UBR4: variants seen among roughly 807,000 people sequenced by gnomAD.
UBR4 encodes the protein ubiquitin protein ligase E3 component n-recognin 4.
UBR4 carries 124 observed loss-of-function variants against 575.6 expected under a neutral mutation model. That is an observed-to-expected ratio of 0.22 (90% confidence interval 0.19 to 0.25). The LOEUF (loss-of-function observed/expected upper bound fraction) is 0.25. Among genes scored for constraint, UBR4 ranks in the 10% least tolerant of loss-of-function variants. The probability of loss-of-function intolerance (pLI) is 1.00; values close to 1 mark genes in which losing one functional copy is unlikely to be tolerated. For missense variants in UBR4, 4,818 were observed against 6,478.8 expected (o/e 0.74, Z 8.80); for synonymous variants, 2,455 against 2,473.7 (o/e 0.99, Z 0.22).
At chr1:19,161,762 A>G (rs1304936145) in intron 36 of UBR4, 26 bp from the exon 37 acceptor site, 1 of 1,613,470 alleles carries the variant, frequency 6.2e-7, no homozygotes, top group Admixed American at 1.7e-5. Flanking sequence ...ACCAGCAAAT[A>G]AGCTCAGAAG....
chr1:19,134,766 C>T (rs2082999751), intron 60 of UBR4, among the ~76,000 whole-genome samples: 1 of 151,874 alleles, frequency 6.6e-6, no homozygotes, highest in Non-Finnish European at 1.5e-5. Context: ...ACAGAAGAAC[C>T]ACAGAAGGCT....
At chr1:19,096,484 A>G (rs775952428) in intron 92 of UBR4, 39 bp downstream of exon 92, 1 of 1,601,610 alleles carries the variant, frequency 6.2e-7, no homozygotes, top group East Asian at 2.2e-5. Context: ...CTCCCAGTGC[A>G]GAAAGGCTGG....
chr1:19,127,819 A>G, intron 62 of UBR4, 80 bp from the exon 63 acceptor site: 1 of 1,170,510 alleles, frequency 8.5e-7, no homozygotes, highest in Middle Eastern at 2.0e-4. Context: ...CCTTCAAGTC[A>G]AGCCCATCAG....
intron 44 of UBR4, 112 bp downstream of exon 44, chr1:19,154,806 C>T (rs1045488997): frequency 1.4e-6 from 2 of 1,473,746 alleles, no homozygotes; most frequent in African/African-American, 2.8e-5. Flanking sequence ...AAAAGGTTGG[C>T]TGGAGAAAAT....
intron 11 of UBR4, 130 bp from the exon 12 acceptor site, chr1:19,187,670 A>G (rs2091675706): frequency 1.4e-6 from 1 of 729,988 alleles, no homozygotes; most frequent in South Asian, 1.9e-5. Context: ...AGAAAAAAAA[A>G]ATTGTACATA....
intron 13 of UBR4, 119 bp downstream of exon 13, chr1:19,187,045 T>C: frequency 1.3e-6 from 1 of 798,040 alleles, no homozygotes. Context: ...GGTCATGGTG[T>C]GTAGTCAGTC....
At position 19,110,325 on chromosome 1, in the gene UBR4, G is replaced by C; in HGVS notation, c.11977+55C>G. The stretch of plus-strand genomic sequence containing the variant: ...GTTTCCCTCCTCCCCTCCCAGTCCG[G>C]CCAGGACTGCTCCTTTGAGCCTCCT... On this transcript the variant is annotated intron_variant, in intron 80 of 105. Transcript: ENST00000375254. The surrounding 1 kb of genome is among the most constrained non-coding windows in gnomAD (Gnocchi z 4.5). The C allele has an allele frequency of 1.2e-6, 2 of 1,613,472 alleles. No individual in the cohort carries two copies. The highest frequency in any genetic ancestry group is 1.1e-5 in the South Asian group (1 of 90,992).
chr1:19,165,507 AAG>A, intron 30 of UBR4, 147 bp downstream of exon 30: 1 of 1,029,142 alleles, frequency 9.7e-7, no homozygotes, highest in Non-Finnish European at 1.4e-6. Context: ...CAACAACCCC[AAG>A]GAGTCAGCAA....
Position 19,192,544 on chromosome 1 carries a change from T to C in UBR4, c.1144-4A>G. On this transcript the variant is annotated splice_region_variant and splice_polypyrimidine_tract_variant and intron_variant, in intron 9 of 105. Coordinates refer to ENST00000375254, the MANE Select transcript of UBR4 (RefSeq NM_020765.3). ...CAATCATGTCATAGATTTCGAGCTG[T>C]ACAATATCAAACAGACACAAAAATC... is the stretch of plus-strand genomic sequence containing the variant. 1.9e-6 allele frequency: 3 copies of C among 1,614,116 alleles called. No homozygotes were observed. The highest frequency in any genetic ancestry group is 2.5e-6 in the Non-Finnish European group (3 of 1,180,012).
Position 19,140,911 on chromosome 1 carries a change from G to C in UBR4, c.8489-19C>G. The C allele has an allele frequency of 6.3e-7, 1 of 1,593,080 alleles. No homozygotes were observed. The highest frequency in any genetic ancestry group is 8.5e-7 in the Non-Finnish European group (1 of 1,171,904). On this transcript the variant is annotated intron_variant, in intron 57 of 105. Transcript: ENST00000375254. Reference sequence around the variant, plus strand: ...CTGCTGCCTGGGAAACAAGTGGAGAGTGAGCACAACATCCCCTCCAGGTCC... The same window carrying C: ...CTGCTGCCTGGGAAACAAGTGGAGACTGAGCACAACATCCCCTCCAGGTCC...
In UBR4 at chr1:19,157,347, A is replaced by G. The variant is rs2086589653; in HGVS notation, c.5761-422T>C. 6.6e-6 allele frequency among the ~76,000 whole-genome samples: 1 copy of G among 152,238 alleles called. No homozygotes were observed. Among genetic ancestry groups the G allele is most frequent in the African/African-American group, 2.4e-5 (1 of 41,454 alleles). Reference sequence around the variant, plus strand: ...CAGAAAAGTGTGAGTTAAGATACCTAGCACTCTTCCAACTTCTACTAGCTC... The same window carrying G: ...CAGAAAAGTGTGAGTTAAGATACCTGGCACTCTTCCAACTTCTACTAGCTC... On this transcript the variant is annotated intron_variant, in intron 40 of 105. Transcript: ENST00000375254. The surrounding 1 kb of genome is among the most constrained non-coding windows in gnomAD (Gnocchi z 4.4).
At chr1:19,104,359 T>C in intron 86 of UBR4, 102 bp from the exon 87 acceptor site, 1 of 1,441,644 alleles carries the variant, frequency 6.9e-7, no homozygotes. Flanking sequence ...AGGGAAAATC[T>C]ATCTTTGTGC....
At chr1:19,155,966 G>A (rs551981459) in intron 42 of UBR4, among the ~76,000 whole-genome samples, 2 of 152,318 alleles carry the variant, frequency 1.3e-5, no homozygotes, top group African/African-American at 4.8e-5. Context: ...CCTAAAGACA[G>A]AAAGCTCCTA....
chr1:19,136,974 C>T (rs2083270074), intron 60 of UBR4, among the ~76,000 whole-genome samples: 1 of 150,194 alleles, frequency 6.7e-6, no homozygotes, highest in Non-Finnish European at 1.5e-5. Context: ...GCATCAGGCA[C>T]CATTTTTTTT....
rs1320022134 is a variant in UBR4 at position 19,086,263 on chromosome 1, G to A, written c.14695C>T (p.Arg4899Ter). ...GCACTCTCCCACTCTTCCCGGCCTC[G>A]AGCCAACCTGGATAGGGAGGAGAGC... ...DCHLAAVRLARGREEWESAAL... is the reference protein window; with the variant it reads ...DCHLAAVRLA Residue 4899 changes from arginine (R) to a stop codon, truncating the protein, a stop_gained, in exon 101 of 106, where the codon CGA becomes TGA. Transcript: ENST00000375254. LOFTEE classifies it high-confidence loss of function. The A allele has an allele frequency of 2.6e-6, 4 of 1,551,764 alleles. No homozygotes were observed. In the Admixed American group the frequency reaches 5.3e-5, roughly 20 times the overall value.
At chr1:19,209,446 G>A (rs1305357154) in intron 1 of UBR4, among the ~76,000 whole-genome samples, 2 of 152,218 alleles carry the variant, frequency 1.3e-5, no homozygotes, top group Non-Finnish European at 1.5e-5. Flanking sequence ...AGAATGTGAT[G>A]ATATTTTAAT....
chr1:19,086,660 C>T lies in UBR4; in HGVS notation c.14687+19G>A, dbSNP rs375030611. 3.5e-5 allele frequency: 57 copies of T among 1,612,118 alleles called. No homozygotes were observed. Among genetic ancestry groups the T allele is most frequent in the Non-Finnish European group, 4.4e-5 (52 of 1,179,024 alleles). On this transcript the variant is annotated intron_variant, in intron 100 of 105. Transcript: ENST00000375254. ...GGCAGGCCTACTGAAGGAGCCATTC[C>T]GCAAGAGCCAGGGCCTACCTGACGG...
At position 19,197,725 on chromosome 1, in the gene UBR4, T is replaced by C. The variant is rs541581066; in HGVS notation, c.838A>G (p.Asn280Asp). 3 of 1,614,192 alleles carry C rather than the reference T, an allele frequency of 1.9e-6. No homozygotes were observed. Among genetic ancestry groups the C allele is most frequent in the African/African-American group, 1.3e-5 (1 of 75,044 alleles). The change falls in exon 7 of 106, where the codon AAT becomes GAT. Residue 280 changes from asparagine (N) to aspartate (D), a missense_variant. Physicochemically the swap from Asn to Asp is conservative, Grantham distance 23. Transcript: ENST00000375254. ...INRFQDAVLA[N>D]SFFIMPATVA... Reference sequence around the variant, plus strand: ...GTTGCAGGCATTATGAAGAAGGAATTAGCTAAAACTGCATCTTGGAACCGA... The same window carrying C: ...GTTGCAGGCATTATGAAGAAGGAATCAGCTAAAACTGCATCTTGGAACCGA...
chr1:19,135,805 T>C (rs547669980), intron 60 of UBR4, among the ~76,000 whole-genome samples: 3 of 152,210 alleles, frequency 2.0e-5, no homozygotes, highest in East Asian at 1.9e-4. Context: ...ATAAGATTAA[T>C]AGATGAGATT....
Sources: gnomAD v4.1 joint callset for allele counts (sites outside exome capture counted in the v4.1 genomes callset) on GRCh38, gnomAD v4.1.1 for gene constraint, Gnocchi (gnomAD v3.1) non-coding constraint, MANE v1.5 for transcripts, NCBI Gene and HGNC (gene_info 2026-07-23, HGNC 2026-07-21) for gene names.